GLCCI1: variants seen among roughly 807,000 people sequenced by gnomAD.
The protein encoded by GLCCI1 is glucocorticoid-induced transcript 1 protein.
GLCCI1 carries 24 observed loss-of-function variants against 52.2 expected under a neutral mutation model. The ratio of observed to expected loss-of-function variants is 0.46; its 90% confidence interval spans 0.33 to 0.65. The LOEUF is 0.65. GLCCI1 is among the 30% of genes least tolerant of loss of function. The pLI, the probability that GLCCI1 is intolerant of heterozygous loss-of-function variation, is 0.02. For missense variants in GLCCI1, 704 were observed against 701.5 expected (o/e 1.00, Z -0.04); for synonymous variants, 310 against 276.5 (o/e 1.12, Z -1.20).
At chr7:7,987,416 C>G (rs1404660102) in intron 1 of GLCCI1, among the ~76,000 whole-genome samples, 1 of 152,182 alleles carries the variant, frequency 6.6e-6, no homozygotes, top group Non-Finnish European at 1.5e-5. Flanking sequence ...CGTACTGTCA[C>G]TATTTAAGAC....
chr7:8,068,806 C>G (rs1465901760), intron 5 of GLCCI1, among the ~76,000 whole-genome samples: 1 of 152,128 alleles, frequency 6.6e-6, no homozygotes, highest in East Asian at 1.9e-4. Context: ...AGTCGGTTGA[C>G]TTTTCGGGAT....
intron 7 of GLCCI1, among the ~76,000 whole-genome samples, chr7:8,085,374 C>T (rs1164420102): frequency 1.3e-5 from 2 of 152,210 alleles, no homozygotes; most frequent in African/African-American, 4.8e-5. Flanking sequence ...CAGTGTACTC[C>T]ACAAGCCAGA....
chr7:8,084,987 G>A lies in GLCCI1; in HGVS notation c.1268G>A (p.Cys423Tyr). Reference protein sequence around the residue: ...YMFKREPPEGCERVKVFEEMA... With the variant: ...YMFKREPPEGYERVKVFEEMA... ...TTCAAACGGGAGCCCCCAGAGGGAT[G>A]TGAGCGAGTGAAGGTCTTTGAGGAA... Residue 423 changes from cysteine to tyrosine, a missense_variant, in exon 7 of 8, where the codon TGT becomes TAT. Transcript: ENST00000223145. The A allele has an allele frequency of 4.3e-6, 7 of 1,614,166 alleles. No homozygotes were observed. The highest frequency in any genetic ancestry group is 2.2e-5 in the East Asian group (1 of 44,878).
chr7:8,020,803 T>C (rs1186607729), intron 2 of GLCCI1, among the ~76,000 whole-genome samples: 1 of 152,194 alleles, frequency 6.6e-6, no homozygotes, highest in African/African-American at 2.4e-5. Context: ...CATTAAGTTA[T>C]ATAAATTATC....
Position 8,022,723 on chromosome 7 carries a change from T to G in GLCCI1, c.696+154T>G, listed in dbSNP as rs569822560. The G allele has an allele frequency of 3.7e-5, 12 of 324,988 alleles. No homozygotes were observed. The East Asian group carries it at 6.2e-4, about 17-fold the overall frequency. The allele number at this position is 324,988 out of a possible 1,614,324, so 20.1% of individuals were successfully genotyped here. On this transcript the variant is annotated intron_variant, in intron 3 of 7. Coordinates refer to ENST00000223145, the MANE Select transcript of GLCCI1 (RefSeq NM_138426.4). ...TCTAGGGTAAGGTTAGAATAAATTC[T>G]AGGCAGGTTTTTGTAAGGTTAGGAC...
At chr7:8,042,528 A>T (rs1782023466) in intron 3 of GLCCI1, among the ~76,000 whole-genome samples, 1 of 152,218 alleles carries the variant, frequency 6.6e-6, no homozygotes, top group Non-Finnish European at 1.5e-5. Context: ...GAAGTGGAAC[A>T]TGGGCTGGGT....
chr7:8,039,449 A>G (rs776100256), intron 3 of GLCCI1, among the ~76,000 whole-genome samples: 11 of 152,248 alleles, frequency 7.2e-5, no homozygotes, highest in African/African-American at 2.7e-4. Flanking sequence ...ACGGAATACT[A>G]TTAATTCATA....
rs534848779 is a variant in GLCCI1, at chr7:8,001,803, AGGATGT to A, written c.458-2099_458-2094del. Among the ~76,000 whole-genome samples the A allele has an allele frequency of 2.6e-5, 4 of 152,228 alleles. No individual in the cohort carries two copies. In the South Asian group the frequency reaches 8.3e-4, roughly 31 times the overall value. On this transcript the variant is annotated intron_variant, in intron 1 of 7. Coordinates refer to ENST00000223145, the MANE Select transcript of GLCCI1 (RefSeq NM_138426.4). Reference sequence around the variant, plus strand: ...AAAGAATGAGTTCATGACCTTTGCAAGGATGTGGATGAAGCTGGAAACCATCATTCT... The same window carrying A: ...AAAGAATGAGTTCATGACCTTTGCAAGGATGAAGCTGGAAACCATCATTCT...
At position 8,086,198 on chromosome 7, in the gene GLCCI1, G is replaced by A. The variant is rs199991040; in HGVS notation, c.1304G>A (p.Arg435His). ...RVKVFEEMAS[R>H]QPISAPLFSC... is the part of the protein sequence containing the mutation. ...ATTTTGTTTTATGGTTTTAGGTCTC[G>A]TCAGCCTATCTCGGCCCCTCTCTTT... The change falls in exon 8 of 8, where the codon CGT (arginine) becomes CAT (histidine). Residue 435 changes from arginine to histidine, a missense_variant. By Grantham distance (29) the Arg-to-His change is conservative. Coordinates refer to ENST00000223145, the MANE Select transcript of GLCCI1 (RefSeq NM_138426.4). This position sits in a 1 kb window ranked among gnomAD's most constrained non-coding sequence, Gnocchi z 4.4. 9.3e-6 allele frequency: 15 copies of A among 1,608,874 alleles called. No homozygotes were observed. Among genetic ancestry groups the A allele is most frequent in the Middle Eastern group, 3.3e-4 (2 of 6,036 alleles).
rs1324151308 is a variant in GLCCI1 at position 8,054,431 on chromosome 7, G to A, written c.697-1002G>A. 3.3e-5 allele frequency among the ~76,000 whole-genome samples: 5 copies of A among 152,004 alleles called. No homozygotes were observed. In the East Asian group the frequency reaches 9.6e-4, roughly 29 times the overall value. On this transcript the variant is annotated intron_variant, in intron 3 of 7. Coordinates refer to ENST00000223145, the MANE Select transcript of GLCCI1 (RefSeq NM_138426.4). The stretch of plus-strand genomic sequence containing the variant: ...TCTAAAGATCTCACCATAAAAGAAA[G>A]GATATAAATTCTTCCTTGTTTGGGT...
At chr7:7,976,509 AAG>A (rs1780475185) in intron 1 of GLCCI1, among the ~76,000 whole-genome samples, 1 of 145,234 alleles carries the variant, frequency 6.9e-6, no homozygotes, top group African/African-American at 2.7e-5. Flanking sequence ...GGAAAGGAAA[AAG>A]GAAAGGAGAA....
chr7:8,073,234 G>T (rs770277208), intron 6 of GLCCI1, among the ~76,000 whole-genome samples: 1 of 152,084 alleles, frequency 6.6e-6, no homozygotes, highest in African/African-American at 2.4e-5. Context: ...GGTAGCTGCT[G>T]CTATAAAAAT....
rs568618608 is a variant in GLCCI1 at position 8,046,516 on chromosome 7, T to C, written c.697-8917T>C. Among the ~76,000 whole-genome samples, 28 of 152,346 alleles carry C rather than the reference T, an allele frequency of 1.8e-4. No homozygotes were observed. In the South Asian group the frequency reaches 5.8e-3, roughly 32 times the overall value. On this transcript the variant is annotated intron_variant, in intron 3 of 7. Coordinates refer to ENST00000223145, the MANE Select transcript of GLCCI1 (RefSeq NM_138426.4). ...TCTCTGAAGCCTGCTATCTGGAGGC[T>C]TCTTCTGCATGATAAAAGTTTGGTT...
intron 2 of GLCCI1, among the ~76,000 whole-genome samples, chr7:8,010,501 A>T (rs564791559): frequency 6.6e-6 from 1 of 152,186 alleles, no homozygotes. Context: ...CAGTTCTTGC[A>T]GGGATGCTTA....
chr7:7,990,560 A>G (rs1780819906), intron 1 of GLCCI1, among the ~76,000 whole-genome samples: 1 of 152,100 alleles, frequency 6.6e-6, no homozygotes, highest in Admixed American at 6.6e-5. Context: ...TTTATGCACA[A>G]TATTTGTAGA....
chr7:8,035,264 A>G (rs141687502), intron 3 of GLCCI1, among the ~76,000 whole-genome samples: 200 of 152,290 alleles, frequency 1.3e-3, no homozygotes, highest in African/African-American at 4.5e-3. Context: ...AGTGACTGCT[A>G]CTTCCAGTGC....
intron 3 of GLCCI1, among the ~76,000 whole-genome samples, chr7:8,042,195 C>T (rs1202423892): frequency 2.0e-5 from 3 of 152,176 alleles, no homozygotes; most frequent in Non-Finnish European, 4.4e-5. Flanking sequence ...ACACAACATC[C>T]ATTCTGCAGT....
chr7:7,999,850 C>G (rs957497355), intron 1 of GLCCI1, among the ~76,000 whole-genome samples: 5 of 152,262 alleles, frequency 3.3e-5, no homozygotes, highest in Non-Finnish European at 5.9e-5. Flanking sequence ...CTGCAGTGAG[C>G]TGTGATCATG....
intron 3 of GLCCI1, among the ~76,000 whole-genome samples, chr7:8,027,954 G>T (rs1014440949): frequency 6.6e-6 from 1 of 152,198 alleles, no homozygotes; most frequent in Non-Finnish European, 1.5e-5. Context: ...GCACCCAGGT[G>T]TATAAAGCAA....
Sources: gnomAD v4.1 joint callset for allele counts (sites outside exome capture counted in the v4.1 genomes callset) on GRCh38, gnomAD v4.1.1 for gene constraint, Gnocchi (gnomAD v3.1) non-coding constraint, MANE v1.5 for transcripts, NCBI Gene and HGNC (gene_info 2026-07-23, HGNC 2026-07-21) for gene names.